Variants in TRPM8 observed in about 807,000 individuals in gnomAD.
TRPM8 encodes the protein transient receptor potential cation channel subfamily M member 8.
A neutral mutation model predicts 133.7 loss-of-function variants in TRPM8; 110 were observed. That is an observed-to-expected ratio of 0.82 (90% CI 0.70 to 0.96). The LOEUF is 0.96. TRPM8 is among the 40% of genes least tolerant of loss of function. The probability of loss-of-function intolerance (pLI) is 0.00; values close to 1 mark genes in which losing one functional copy is unlikely to be tolerated. For missense variants in TRPM8, 1,291 were observed against 1,379.5 expected, an observed-to-expected ratio of 0.94 and a Z score of 1.02; for synonymous variants, 535 against 532.3, an observed-to-expected ratio of 1.01 and a Z score of -0.07.
At chr2:233,953,024 C>T (rs1691205988) in intron 9 of TRPM8, among the ~76,000 whole-genome samples, 1 of 152,040 alleles carries the variant, frequency 6.6e-6, no homozygotes, top group African/African-American at 2.4e-5. Context: ...CCCCACCCAC[C>T]CTCTCCTTCA....
rs557984680 is a variant in TRPM8 at position 233,922,078 on chromosome 2, T to C, written c.-5-4455T>C. 8.0e-5 allele frequency among the ~76,000 whole-genome samples: 12 copies of C among 150,198 alleles called. No individual in the cohort carries two copies. The East Asian group carries it at 2.4e-3, about 30-fold the overall frequency. On this transcript the variant is annotated intron_variant, in intron 1 of 25. Coordinates refer to ENST00000324695, the MANE Select transcript of TRPM8 (RefSeq NM_024080.5). Reference sequence around the variant, plus strand: ...GCTTAACAGTCTATTGTAAAGAGGTTACAGTCGCAAGGGTCTCTGTCTCCA... The same window carrying C: ...GCTTAACAGTCTATTGTAAAGAGGTCACAGTCGCAAGGGTCTCTGTCTCCA...
intron 21 of TRPM8, among the ~76,000 whole-genome samples, chr2:233,987,645 G>C (rs1375112507): frequency 6.6e-6 from 1 of 152,166 alleles, no homozygotes; most frequent in Non-Finnish European, 1.5e-5. Context: ...GTGACCAAAA[G>C]TGATGTTTCT....
chr2:233,988,161 G>A lies in TRPM8; in HGVS notation c.2939+2296G>A, dbSNP rs28902212. Among the ~76,000 whole-genome samples, 696 of 152,096 alleles carry A rather than the reference G, an allele frequency of 4.6e-3. 3 individuals are homozygous for A. The highest frequency in any genetic ancestry group is 0.015 in the African/African-American group (631 of 41,492). The stretch of plus-strand genomic sequence containing the variant: ...GCTCATCCCCTGCTCTCTGTCCCCC[G>A]GCAGGCCTCCCATATGCTCCTCTTT... On this transcript the variant is annotated intron_variant, in intron 21 of 25. Coordinates refer to ENST00000324695, the MANE Select transcript of TRPM8 (RefSeq NM_024080.5).
intron 24 of TRPM8, 36 bp from the exon 25 acceptor site, chr2:234,014,526 A>G (rs11562948): frequency 0.064 from 89,919 of 1,399,484 alleles, 3,266 homozygotes; most frequent in Admixed American, 0.12. Context: ...TGGAAAATTT[A>G]TCTTAAGATG....
chr2:233,990,252 G>T (rs575578537), intron 21 of TRPM8, among the ~76,000 whole-genome samples: 1 of 152,102 alleles, frequency 6.6e-6, no homozygotes, highest in Non-Finnish European at 1.5e-5. Context: ...GTGTGTAGCC[G>T]GTGGGCTAGT....
At position 233,927,910 on chromosome 2, in the gene TRPM8, C is replaced by CTTTCTT. The variant is rs1383928374; in HGVS notation, c.117+1257_117+1258insTTCTTT. On this transcript the variant is annotated intron_variant, in intron 2 of 25. Coordinates refer to ENST00000324695, the MANE Select transcript of TRPM8 (RefSeq NM_024080.5). ...TCTTTCTTTCTTTCTTTCTTTCTTT[C>CTTTCTT]TCTCTCTCTCTCTTTCTCTCTCTCT... Among the ~76,000 whole-genome samples, 97 of 38,010 alleles carry CTTTCTT rather than the reference C, an allele frequency of 2.6e-3. 9 individuals carry two copies. The highest frequency in any genetic ancestry group is 7.5e-3 in the African/African-American group (28 of 3,736). The allele number at this position is 38,010 out of a possible 152,430, so 24.9% of individuals were successfully genotyped here.
intron 8 of TRPM8, among the ~76,000 whole-genome samples, chr2:233,948,581 T>C (rs1255028062): frequency 1.3e-5 from 2 of 152,242 alleles, no homozygotes; most frequent in African/African-American, 4.8e-5. Context: ...ATATTAGATT[T>C]GGAATGAAGA....
At chr2:233,971,122 CTGT>C (rs1418900165) in intron 17 of TRPM8, among the ~76,000 whole-genome samples, 3 of 152,200 alleles carry the variant, frequency 2.0e-5, no homozygotes, top group South Asian at 2.1e-4. Context: ...TTGACAACTA[CTGT>C]TGTTGTCGTC....
chr2:233,925,224 C>A (rs767423167), intron 1 of TRPM8, among the ~76,000 whole-genome samples: 5 of 152,192 alleles, frequency 3.3e-5, no homozygotes, highest in African/African-American at 4.8e-5. Context: ...AACTATTCAT[C>A]CAATAAATAA....
At chr2:233,945,704 G>T in intron 6 of TRPM8, 152 bp from the exon 7 acceptor site, 1 of 608,406 alleles carries the variant, frequency 1.6e-6, no homozygotes, top group South Asian at 2.5e-5. Context: ...TGTACTATAA[G>T]ATCGCTAAGA....
intron 6 of TRPM8, among the ~76,000 whole-genome samples, chr2:233,943,255 C>T (rs1690956771): frequency 6.6e-6 from 1 of 151,964 alleles, no homozygotes; most frequent in African/African-American, 2.4e-5. Context: ...TGCTATCCCT[C>T]CCCACTCCCC....
intron 5 of TRPM8, 76 bp downstream of exon 5, chr2:233,939,251 C>A (rs1690843918): frequency 1.3e-6 from 2 of 1,517,020 alleles, no homozygotes; most frequent in African/African-American, 2.8e-5. Context: ...AGGCAGTTCC[C>A]GTGTGCAATT....
chr2:233,950,856 C>A (rs565106022), intron 9 of TRPM8, among the ~76,000 whole-genome samples: 1 of 152,328 alleles, frequency 6.6e-6, no homozygotes, highest in Admixed American at 6.5e-5. Flanking sequence ...AGTGCTTATA[C>A]ATTTTTGATT....
chr2:233,980,996 G>A (rs1251105832), intron 18 of TRPM8, among the ~76,000 whole-genome samples: 2 of 152,248 alleles, frequency 1.3e-5, no homozygotes, highest in East Asian at 3.9e-4. Context: ...GATCACTTGA[G>A]CCCAGGAGTT....
intron 19 of TRPM8, 80 bp downstream of exon 19, chr2:233,981,995 T>C: frequency 7.0e-7 from 1 of 1,422,654 alleles, no homozygotes; most frequent in African/African-American, 1.5e-5. Context: ...GAGGATTTTG[T>C]CCTTAGAACG....
intron 9 of TRPM8, among the ~76,000 whole-genome samples, chr2:233,950,569 T>C (rs1691150556): frequency 6.6e-6 from 1 of 152,188 alleles, no homozygotes; most frequent in Non-Finnish European, 1.5e-5. Context: ...AGTCTCAGAA[T>C]AAAACAGATA....
At chr2:233,974,115 C>T (rs1354436342) in intron 17 of TRPM8, among the ~76,000 whole-genome samples, 1 of 152,208 alleles carries the variant, frequency 6.6e-6, no homozygotes, top group South Asian at 2.1e-4. Context: ...TGTCCCAACA[C>T]CCCCTACCTC....
At chr2:233,949,916 T>A (rs374039567) in intron 8 of TRPM8, 33 bp from the exon 9 acceptor site, 52 of 1,608,826 alleles carry the variant, frequency 3.2e-5, no homozygotes, top group Non-Finnish European at 4.4e-5. Context: ...GACCAAGGTC[T>A]CTGATCTGTC....
At chr2:233,972,910 GCT>G (rs1406040534) in intron 17 of TRPM8, among the ~76,000 whole-genome samples, 2 of 152,244 alleles carry the variant, frequency 1.3e-5, no homozygotes, top group East Asian at 3.9e-4. Flanking sequence ...CCAGAAAGGG[GCT>G]CCCACAGTGC....
Sources: gnomAD v4.1 joint callset for allele counts (sites outside exome capture counted in the v4.1 genomes callset) on GRCh38, gnomAD v4.1.1 for gene constraint, MANE v1.5 for transcripts, NCBI Gene and HGNC (gene_info 2026-07-23, HGNC 2026-07-21) for gene names.